Variants in BTBD9 observed in about 807,000 individuals in gnomAD.
The protein encoded by BTBD9 is BTB domain containing 9, also known as BTB/POZ domain-containing protein 9.
In BTBD9, 49 loss-of-function variants were observed where a neutral mutation model predicts 64.3. The ratio of observed to expected loss-of-function variants is 0.76; its 90% CI spans 0.61 to 0.97. BTBD9 has a LOEUF of 0.97. Among genes scored for constraint, BTBD9 ranks in the 50% least tolerant of loss-of-function variants. BTBD9 has a pLI of 0.00. For missense variants in BTBD9, 598 were observed against 762.1 expected (o/e 0.78, Z 2.53); for synonymous variants, 260 against 274.7 (o/e 0.95, Z 0.53).
intron 9 of BTBD9, among the ~76,000 whole-genome samples, chr6:38,235,825 G>A (rs909047513): frequency 6.6e-6 from 1 of 152,120 alleles, no homozygotes; most frequent in Non-Finnish European, 1.5e-5. Flanking sequence ...GGATCTCTCT[G>A]GCACTCTGTG....
At chr6:38,628,314 G>A (rs531194139) in intron 1 of BTBD9, among the ~76,000 whole-genome samples, 36 of 152,290 alleles carry the variant, frequency 2.4e-4, no homozygotes, top group African/African-American at 8.7e-4. Flanking sequence ...CAGGGGAGAA[G>A]AGAAGTACTA....
At chr6:38,420,925 T>C (rs888362745) in intron 6 of BTBD9, among the ~76,000 whole-genome samples, 6 of 152,138 alleles carry the variant, frequency 3.9e-5, no homozygotes, top group Admixed American at 2.6e-4. Flanking sequence ...CACAAACTTT[T>C]AAAAAAACTA....
chr6:38,275,976 G>T (rs1275125023), intron 8 of BTBD9, among the ~76,000 whole-genome samples: 3 of 152,106 alleles, frequency 2.0e-5, no homozygotes, highest in Non-Finnish European at 4.4e-5. Context: ...AATACCATTT[G>T]ACCCAGCCAT....
In BTBD9 at chr6:38,570,673, T is replaced by C. The variant is rs1775721450; in HGVS notation, c.1154+6927A>G. ...AAAATTCCAAAGGAAGGTTAAAAAATATATATATTTGCATGAAACTGAATA... is the reference window on the plus strand; with the variant it reads ...AAAATTCCAAAGGAAGGTTAAAAAACATATATATTTGCATGAAACTGAATA... On this transcript the variant is annotated intron_variant, in intron 6 of 10. Coordinates refer to ENST00000481247, the MANE Select transcript of BTBD9 (RefSeq NM_001099272.2). Among the ~76,000 whole-genome samples the C allele has an allele frequency of 2.6e-5, 4 of 152,190 alleles. No homozygotes were observed. In the South Asian group the frequency reaches 8.3e-4, roughly 31 times the overall value.
chr6:38,432,511 G>A (rs747746085), intron 6 of BTBD9, among the ~76,000 whole-genome samples: 4 of 151,936 alleles, frequency 2.6e-5, no homozygotes, highest in Admixed American at 2.0e-4. Flanking sequence ...TAAAATGTAG[G>A]CATAGTTTCC....
At chr6:38,288,606 A>T in intron 7 of BTBD9, 145 bp from the exon 8 acceptor site, 1 of 717,122 alleles carries the variant, frequency 1.4e-6, no homozygotes, top group Non-Finnish European at 2.3e-6. Context: ...TTCAGATATG[A>T]ATACATTTTC....
At chr6:38,402,435 T>TA (rs1317736351) in intron 6 of BTBD9, among the ~76,000 whole-genome samples, 1 of 152,158 alleles carries the variant, frequency 6.6e-6, no homozygotes, top group Non-Finnish European at 1.5e-5. Flanking sequence ...TTTTAAAACT[T>TA]ATGACAGACC....
At chr6:38,445,874 T>C (rs969974682) in intron 6 of BTBD9, among the ~76,000 whole-genome samples, 3 of 152,152 alleles carry the variant, frequency 2.0e-5, no homozygotes, top group African/African-American at 7.2e-5. Context: ...TTGGCTAATA[T>C]AAAGTTATTG....
Position 38,556,005 on chromosome 6 carries a change from C to A in BTBD9, c.1154+21595G>T, listed in dbSNP as rs929635491. On this transcript the variant is annotated intron_variant, in intron 6 of 10. Transcript: ENST00000481247. ...AGTGGGAACTAATTTTACACGTGGA[C>A]AGTTCATTAGTGAACATTTTTATAC... Among the ~76,000 whole-genome samples the A allele has an allele frequency of 2.0e-5, 3 of 152,186 alleles. No individual in the cohort carries two copies. In the East Asian group the frequency reaches 5.8e-4, roughly 29 times the overall value.
chr6:38,548,138 C>A (rs72853498), intron 6 of BTBD9, among the ~76,000 whole-genome samples: 28,209 of 151,968 alleles, frequency 0.19, 2,632 homozygotes, highest in East Asian at 0.27. Flanking sequence ...TTCTTTGCAG[C>A]AAATCTATAA....
At chr6:38,230,575 T>C (rs1231493550) in intron 9 of BTBD9, among the ~76,000 whole-genome samples, 1 of 150,904 alleles carries the variant, frequency 6.6e-6, no homozygotes, top group Non-Finnish European at 1.5e-5. Context: ...CTCCCCCACC[T>C]TGTTCCTAGA....
intron 8 of BTBD9, among the ~76,000 whole-genome samples, chr6:38,277,115 C>G (rs1303446233): frequency 6.6e-6 from 1 of 152,058 alleles, no homozygotes; most frequent in Non-Finnish European, 1.5e-5. Context: ...GTAATCTTGC[C>G]CTGCCTCCCA....
chr6:38,327,368 A>G (rs116621636), intron 7 of BTBD9, among the ~76,000 whole-genome samples: 1,749 of 152,266 alleles, frequency 0.011, 21 homozygotes, highest in Middle Eastern at 0.041. Context: ...CGGATTATGA[A>G]GCAGGAAGGG....
At chr6:38,484,569 CCCTAT>C (rs1771312329) in intron 6 of BTBD9, among the ~76,000 whole-genome samples, 2 of 152,188 alleles carry the variant, frequency 1.3e-5, no homozygotes, top group Non-Finnish European at 2.9e-5. Context: ...TTTGTAGCAA[CCCTAT>C]GAGACAGGTA....
intron 6 of BTBD9, among the ~76,000 whole-genome samples, chr6:38,496,408 T>C (rs951290657): frequency 2.6e-5 from 4 of 151,944 alleles, no homozygotes; most frequent in African/African-American, 9.7e-5. Context: ...TTTGGGAGGC[T>C]GAGGTGAGAG....
chr6:38,586,138 G>C (rs1776510847), intron 4 of BTBD9, among the ~76,000 whole-genome samples: 1 of 151,974 alleles, frequency 6.6e-6, no homozygotes. Context: ...TCTAAAACCT[G>C]AGATATACAA....
intron 6 of BTBD9, among the ~76,000 whole-genome samples, chr6:38,574,614 T>G (rs1417432011): frequency 6.6e-6 from 1 of 152,166 alleles, no homozygotes; most frequent in Non-Finnish European, 1.5e-5. Context: ...AGTCCCTCCT[T>G]TCTGCCAGAA....
At chr6:38,183,783 G>A (rs574598960) in intron 10 of BTBD9, among the ~76,000 whole-genome samples, 6 of 152,284 alleles carry the variant, frequency 3.9e-5, no homozygotes, top group African/African-American at 1.4e-4. Context: ...CAGCCTTGAT[G>A]CCATCTTCAG....
intron 1 of BTBD9, among the ~76,000 whole-genome samples, chr6:38,603,388 C>T (rs895640656): frequency 2.0e-5 from 3 of 152,188 alleles, no homozygotes; most frequent in Non-Finnish European, 4.4e-5. Context: ...TTATTGCCTG[C>T]TTATTATTCA....
Sources: gnomAD v4.1 joint callset for allele counts (sites outside exome capture counted in the v4.1 genomes callset) on GRCh38, gnomAD v4.1.1 for gene constraint, MANE v1.5 for transcripts, NCBI Gene and HGNC (gene_info 2026-07-23, HGNC 2026-07-21) for gene names.